The following DISC1 variants were observed in gnomAD, a reference collection of about 807,000 sequenced individuals.
DISC1 encodes the protein DISC1 scaffold protein, also known as disrupted in schizophrenia 1 protein.
In DISC1, 57 loss-of-function variants were observed where a neutral mutation model predicts 84.5. The ratio of observed to expected loss-of-function variants is 0.67; its 90% confidence interval spans 0.55 to 0.84. DISC1 has a LOEUF of 0.84. Among genes scored for constraint, DISC1 ranks in the 40% least tolerant of loss-of-function variants. DISC1 has a pLI of 0.00. For missense variants in DISC1, 1,000 were observed against 1,057.8 expected, an observed-to-expected ratio of 0.95 and a Z score of 0.76; for synonymous variants, 411 against 415.2, an observed-to-expected ratio of 0.99 and a Z score of 0.12.
chr1:231,655,842 G>A (rs754725910), intron 1 of DISC1, among the ~76,000 whole-genome samples: 2 of 152,100 alleles, frequency 1.3e-5, no homozygotes, highest in African/African-American at 4.8e-5. Flanking sequence ...TGCATTCCCT[G>A]ATGATTAGTG....
intron 1 of DISC1, among the ~76,000 whole-genome samples, chr1:231,688,490 G>A (rs1179319903): frequency 6.6e-6 from 1 of 152,082 alleles, no homozygotes; most frequent in Non-Finnish European, 1.5e-5. Flanking sequence ...TGTTTGTGAC[G>A]GCCCTCACTT....
chr1:231,886,766 CCTTTCTTTCTTTCTTT>C (rs3084378), intron 9 of DISC1, among the ~76,000 whole-genome samples: 1,291 of 84,320 alleles, frequency 0.015, 8 homozygotes, highest in South Asian at 0.02. Context: ...TTCCTTCCTT[CCTTTCTTTCTTTCTTT>C]CTTTCTTTCT....
intron 9 of DISC1, among the ~76,000 whole-genome samples, chr1:231,883,982 A>G (rs1211475250): frequency 1.3e-5 from 2 of 152,140 alleles, no homozygotes; most frequent in South Asian, 2.1e-4. Context: ...GTGGTCTGAC[A>G]TGACAAATCC....
intron 11 of DISC1, among the ~76,000 whole-genome samples, chr1:232,014,701 A>G (rs1668321890): frequency 6.6e-6 from 1 of 152,216 alleles, no homozygotes; most frequent in Non-Finnish European, 1.5e-5. Flanking sequence ...GGCTTTTCAC[A>G]TGACCCTCGT....
intron 9 of DISC1, among the ~76,000 whole-genome samples, chr1:231,867,514 G>T (rs2085148505): frequency 6.6e-6 from 1 of 152,160 alleles, no homozygotes; most frequent in Non-Finnish European, 1.5e-5. Context: ...TTCCAGCCAT[G>T]GGAGCATCCC....
intron 8 of DISC1, among the ~76,000 whole-genome samples, chr1:231,805,693 G>A (rs1456336353): frequency 6.6e-6 from 1 of 152,108 alleles, no homozygotes; most frequent in Admixed American, 6.6e-5. Context: ...TCATTAATGA[G>A]AAACTGCCCC....
chr1:231,791,634 C>G (rs9431997), intron 6 of DISC1, among the ~76,000 whole-genome samples: 20,342 of 152,088 alleles, frequency 0.13, 1,543 homozygotes, highest in East Asian at 0.27. Context: ...AAAATGTGTT[C>G]GCTAATTTGT....
intron 9 of DISC1, among the ~76,000 whole-genome samples, chr1:231,931,323 G>C (rs2090640258): frequency 6.6e-6 from 1 of 152,202 alleles, no homozygotes; most frequent in East Asian, 1.9e-4. Flanking sequence ...TCTAACCTTA[G>C]GTGGATGTAT....
intron 3 of DISC1, among the ~76,000 whole-genome samples, chr1:231,729,686 A>G (rs1306103771): frequency 6.6e-6 from 1 of 152,016 alleles, no homozygotes; most frequent in Non-Finnish European, 1.5e-5. Flanking sequence ...GGCTAGTGGA[A>G]ATATTTTATT....
At chr1:231,873,148 G>A (rs970526925) in intron 9 of DISC1, among the ~76,000 whole-genome samples, 3 of 152,206 alleles carry the variant, frequency 2.0e-5, no homozygotes, top group Non-Finnish European at 4.4e-5. Flanking sequence ...TCAGATTTCC[G>A]ACAAGAACTT....
chr1:231,663,762 T>G (rs149586641), intron 1 of DISC1, among the ~76,000 whole-genome samples: 4 of 152,374 alleles, frequency 2.6e-5, no homozygotes, highest in Non-Finnish European at 5.9e-5. Context: ...TTAATCTATT[T>G]GTTTGGTCTC....
At chr1:231,848,654 G>T (rs1227275694) in intron 9 of DISC1, among the ~76,000 whole-genome samples, 2 of 152,316 alleles carry the variant, frequency 1.3e-5, no homozygotes, top group Admixed American at 1.3e-4. Flanking sequence ...GTCATCAAAA[G>T]ACCCCGATCA....
chr1:231,820,420 C>T (rs2081402408), intron 9 of DISC1, among the ~76,000 whole-genome samples: 1 of 152,160 alleles, frequency 6.6e-6, no homozygotes, highest in African/African-American at 2.4e-5. Context: ...TATGCACATA[C>T]ACATATGCAT....
chr1:231,687,882 T>C (rs2064492460), intron 1 of DISC1, among the ~76,000 whole-genome samples: 1 of 152,072 alleles, frequency 6.6e-6, no homozygotes, highest in Admixed American at 6.5e-5. Context: ...ACAATGTGAA[T>C]GTACTTAATG....
At chr1:231,768,471 T>G (rs2076320609) in intron 5 of DISC1, among the ~76,000 whole-genome samples, 1 of 152,228 alleles carries the variant, frequency 6.6e-6, no homozygotes, top group South Asian at 2.1e-4. Context: ...TTATAACGTT[T>G]GGATAGCTGA....
chr1:231,677,449 C>T (rs199815330), intron 1 of DISC1, among the ~76,000 whole-genome samples: 59 of 152,188 alleles, frequency 3.9e-4, no homozygotes, highest in Non-Finnish European at 5.4e-4. Flanking sequence ...GGAATGACTT[C>T]GGGGGCTCAG....
At chr1:231,664,430 C>T (rs993016380) in intron 1 of DISC1, among the ~76,000 whole-genome samples, 1 of 152,076 alleles carries the variant, frequency 6.6e-6, no homozygotes, top group African/African-American at 2.4e-5. Flanking sequence ...GAATATTTTA[C>T]CTTGCATGAC....
chr1:231,678,081 A>C (rs2125523263), intron 1 of DISC1, among the ~76,000 whole-genome samples: 1 of 152,368 alleles, frequency 6.6e-6, no homozygotes, highest in South Asian at 2.1e-4. Context: ...AGTCATCTAC[A>C]GAAGTAACTC....
At chr1:231,912,757 CTTTCTTTCTT>C (rs1254070983) in intron 9 of DISC1, among the ~76,000 whole-genome samples, 1 of 110,786 alleles carries the variant, frequency 9.0e-6, no homozygotes. Flanking sequence ...TTCTTTCTTT[CTTTCTTTCTT>C]TCTTTCTTTC....
Sources: allele counts gnomAD v4.1 joint callset (sites outside exome capture counted in the v4.1 genomes callset), GRCh38; gene constraint gnomAD v4.1.1; transcripts MANE v1.5; gene names NCBI Gene and HGNC (gene_info 2026-07-23, HGNC 2026-07-21).